Variants in CCDC14 observed in about 807,000 individuals in gnomAD.
The protein encoded by CCDC14 is coiled-coil domain-containing protein 14.
Under a neutral mutation model 81.4 loss-of-function variants are expected in CCDC14, and 71 were observed. That is an observed-to-expected ratio of 0.87 (90% CI 0.72 to 1.06). The LOEUF (loss-of-function observed/expected upper bound fraction) is 1.06, where lower values mean the gene tolerates loss of function less well. Among genes scored for constraint, CCDC14 ranks in the 50% least tolerant of loss-of-function variants. The pLI, the probability that CCDC14 is intolerant of heterozygous loss-of-function variation, is 0.00. For synonymous variants in CCDC14, 332 were observed against 364.8 expected, an observed-to-expected ratio of 0.91 and a Z score of 1.03; for missense variants, 1,046 against 1,047.3, an observed-to-expected ratio of 1.00 and a Z score of 0.02.
At chr3:123,923,002 C>T (rs1411245157) in intron 12 of CCDC14, among the ~76,000 whole-genome samples, 4 of 152,068 alleles carry the variant, frequency 2.6e-5, no homozygotes, top group African/African-American at 9.7e-5. Flanking sequence ...GTCAATATCT[C>T]TGATGAACAC....
chr3:123,906,430 G>GAAA (rs146524573), intron 5 of CCDC14, among the ~76,000 whole-genome samples: 2 of 140,880 alleles, frequency 1.4e-5, no homozygotes, highest in Admixed American at 7.1e-5. Context: ...ACAAAGAAAT[G>GAAA]AAAAAAAAAA....
intron 10 of CCDC14, 96 bp downstream of exon 10, chr3:123,933,577 A>G (rs1374679957): frequency 1.3e-6 from 1 of 783,034 alleles, no homozygotes; most frequent in African/African-American, 1.8e-5. Flanking sequence ...CAATATTTTA[A>G]ATTTATCCCC....
At chr3:123,930,542 A>T (rs2035633470) in intron 12 of CCDC14, among the ~76,000 whole-genome samples, 1 of 152,196 alleles carries the variant, frequency 6.6e-6, no homozygotes, top group South Asian at 2.1e-4. Context: ...ATTTTATTTT[A>T]GAAAAATACT....
intron 5 of CCDC14, 163 bp downstream of exon 5, chr3:123,955,680 G>T: frequency 2.0e-6 from 1 of 499,778 alleles, no homozygotes; most frequent in Non-Finnish European, 3.3e-6. Flanking sequence ...CAAGCAAAGT[G>T]GACTACTCAG....
intron 12 of CCDC14, among the ~76,000 whole-genome samples, chr3:123,923,477 G>C (rs2035166623): frequency 6.6e-6 from 1 of 151,808 alleles, no homozygotes; most frequent in Non-Finnish European, 1.5e-5. Flanking sequence ...AAGAAAGGAA[G>C]AAATGAAATT....
At chr3:123,889,180 C>T in the CCDC14 span, among the ~76,000 whole-genome samples, 3 of 152,162 alleles carry the variant, frequency 2.0e-5, no homozygotes, top group Non-Finnish European at 4.4e-5. Flanking sequence ...GAGGCCAAGG[C>T]AGGTGGATTA....
the CCDC14 span, among the ~76,000 whole-genome samples, chr3:123,890,324 A>G: frequency 6.6e-6 from 1 of 152,202 alleles, no homozygotes; most frequent in Non-Finnish European, 1.5e-5. Context: ...TGCCTTCCCA[A>G]TAGCCCGCCA....
chr3:123,887,973 T>TTTA, the CCDC14 span, among the ~76,000 whole-genome samples: 1 of 152,128 alleles, frequency 6.6e-6, no homozygotes. Context: ...TTACCTTATT[T>TTTA]TCTTTTAAGT....
chr3:123,918,727 T>C (rs979971516), intron 12 of CCDC14, among the ~76,000 whole-genome samples: 1 of 152,158 alleles, frequency 6.6e-6, no homozygotes, highest in Non-Finnish European at 1.5e-5. Context: ...TATTACCCCA[T>C]TTGTTCCTAC....
chr3:123,930,551 C>T (rs898127594), intron 12 of CCDC14, among the ~76,000 whole-genome samples: 5 of 152,160 alleles, frequency 3.3e-5, no homozygotes, highest in Non-Finnish European at 7.4e-5. Context: ...TAGAAAAATA[C>T]TGTTAGGGAA....
chr3:123,926,661 GA>G (rs1286163114), intron 12 of CCDC14, among the ~76,000 whole-genome samples: 5 of 150,330 alleles, frequency 3.3e-5, no homozygotes, highest in Admixed American at 2.7e-4. Flanking sequence ...AGTAAGATCT[GA>G]AAAAAAAGTG....
intron 12 of CCDC14, among the ~76,000 whole-genome samples, chr3:123,929,960 T>C (rs974258410): frequency 1.3e-5 from 2 of 152,234 alleles, no homozygotes; most frequent in African/African-American, 4.8e-5. Context: ...TTCCTTGGGA[T>C]ACCTTACAAA....
In CCDC14 at chr3:123,946,931, T is replaced by C; in HGVS notation, c.1073A>G (p.Asn358Ser). The change falls in exon 8 of 13, where the codon AAC becomes AGC. Residue 358 changes from asparagine to serine, a missense_variant. By Grantham distance (46) the Asn-to-Ser change is conservative. Coordinates refer to ENST00000409697, the MANE Select transcript of CCDC14 (RefSeq NM_001366335.1). The stretch of plus-strand genomic sequence containing the variant: ...TGTTTTTGTATCTCGCACATGTATG[T>C]TTAAATCCTTTCTTTCACTTGTGGC... ...REATSERKDLNIHVRDTKTVK... is the reference protein window; with the variant it reads ...REATSERKDLSIHVRDTKTVK... The C allele has an allele frequency of 6.2e-7, 1 of 1,614,008 alleles. No homozygotes were observed. The highest frequency in any genetic ancestry group is 8.5e-7 in the Non-Finnish European group (1 of 1,179,886).
Position 123,948,781 on chromosome 3 carries a change from A to C in CCDC14, c.594T>G (p.Ser198=), listed in dbSNP as rs1163341791. The change falls in exon 7 of 13, where the codon TCT becomes TCG. Residue 198 remains serine, a synonymous_variant. Transcript: ENST00000409697. ...VPCHAPSHSE[S]QATPHSSYGL... ...CATAACTAGAATGAGGAGTTGCCTGAGATTCTGTAAGTAAGAGGGAGAAAA... is the reference window on the plus strand; with the variant it reads ...CATAACTAGAATGAGGAGTTGCCTGCGATTCTGTAAGTAAGAGGGAGAAAA... 1.3e-6 allele frequency: 2 copies of C among 1,594,480 alleles called. No homozygotes were observed. The highest frequency in any genetic ancestry group is 1.4e-5 in the African/African-American group (1 of 73,674).
downstream of CCDC14, among the ~76,000 whole-genome samples, chr3:123,911,778 T>C (rs976866981): frequency 1.3e-5 from 2 of 152,200 alleles, no homozygotes; most frequent in African/African-American, 2.4e-5. Context: ...ACTAGTTACC[T>C]ACCTGGTCAG....
rs746932361 is a variant in CCDC14, at chr3:123,915,737, A to G, written c.1779-19T>C. 1 of 1,518,136 alleles carries G rather than the reference A, an allele frequency of 6.6e-7. No individual in the cohort carries two copies. The highest frequency in any genetic ancestry group is 1.3e-5 in the South Asian group (1 of 79,950). The allele number at this position is 1,518,136 out of a possible 1,614,324, so 94.0% of individuals were successfully genotyped here. ...TAAAGTTCTGTTAAGAAGAATCCAG[A>G]ACACTAATTATTATTTTTTACCTGT... On this transcript the variant is annotated intron_variant, in intron 12 of 12. Transcript: ENST00000409697.
intron 12 of CCDC14, among the ~76,000 whole-genome samples, chr3:123,927,687 G>A (rs2035451938): frequency 6.6e-6 from 1 of 152,046 alleles, no homozygotes; most frequent in Non-Finnish European, 1.5e-5. Flanking sequence ...TTACGAAAAG[G>A]AGAGCAAAAG....
downstream of CCDC14, among the ~76,000 whole-genome samples, chr3:123,892,527 C>T (rs1559750928): frequency 6.6e-6 from 1 of 152,208 alleles, no homozygotes; most frequent in Non-Finnish European, 1.5e-5. Context: ...TTTGGCTCCA[C>T]TCATGCAAAT....
chr3:123,885,952 C>A, the CCDC14 span, among the ~76,000 whole-genome samples: 1 of 151,976 alleles, frequency 6.6e-6, no homozygotes, highest in East Asian at 1.9e-4. Flanking sequence ...AAAAAAATTA[C>A]CCAGTTTTCA....
Sources: allele counts gnomAD v4.1 joint callset (sites outside exome capture counted in the v4.1 genomes callset), GRCh38; gene constraint gnomAD v4.1.1; transcripts MANE v1.5; gene names NCBI Gene and HGNC (gene_info 2026-07-23, HGNC 2026-07-21).